Variants in KIF6 observed in about 807,000 individuals in gnomAD.
KIF6 encodes the protein kinesin-like protein KIF6.
In KIF6, 106 loss-of-function variants were observed where a neutral mutation model predicts 112.7. That is an observed-to-expected ratio of 0.94 (90% CI 0.80 to 1.11). The LOEUF is 1.11. KIF6 is among the 50% of genes least tolerant of loss of function. KIF6 has a pLI of 0.00. For missense variants in KIF6, 929 were observed against 964.0 expected, an observed-to-expected ratio of 0.96 and a Z score of 0.48; for synonymous variants, 339 against 339.9, an observed-to-expected ratio of 1.00 and a Z score of 0.03.
chr6:39,672,171 A>C (rs1373503217), intron 3 of KIF6, among the ~76,000 whole-genome samples: 1 of 152,186 alleles, frequency 6.6e-6, no homozygotes, highest in African/African-American at 2.4e-5. Context: ...TTTTAGAGAG[A>C]GGGTCTCACT....
intron 13 of KIF6, among the ~76,000 whole-genome samples, chr6:39,455,239 G>GGCACCCCCCA (rs1319415633): frequency 5.9e-5 from 9 of 151,598 alleles, no homozygotes; most frequent in Non-Finnish European, 1.3e-4. Context: ...CTAACTGGGA[G>GGCACCCCCCA]GCACCCCCCA....
At chr6:39,350,172 C>T (rs938106306) in intron 19 of KIF6, among the ~76,000 whole-genome samples, 30 of 152,204 alleles carry the variant, frequency 2.0e-4, no homozygotes, top group African/African-American at 6.3e-4. Flanking sequence ...GAAAATCAGA[C>T]GGTGTGGACA....
intron 3 of KIF6, among the ~76,000 whole-genome samples, chr6:39,674,612 A>G (rs2150837533): frequency 6.6e-6 from 1 of 152,130 alleles, no homozygotes; most frequent in Middle Eastern, 3.4e-3. Flanking sequence ...GAAATATACA[A>G]ACAGAGTTGG....
Position 39,533,426 on chromosome 6 carries a change from G to T in KIF6, c.1645+6577C>A, listed in dbSNP as rs1272396421. On this transcript the variant is annotated intron_variant, in intron 13 of 22. Transcript: ENST00000287152. ...GCTGATTGCTAGCACAGCAGCCTGA[G>T]ATCAAACTGCAAGGAGGCAGCGAGG... Among the ~76,000 whole-genome samples, 6 of 152,322 alleles carry T rather than the reference G, an allele frequency of 3.9e-5. No homozygotes were observed. The East Asian group carries it at 1.2e-3, about 29-fold the overall frequency.
chr6:39,401,116 T>C (rs1768667176), intron 15 of KIF6, among the ~76,000 whole-genome samples: 1 of 152,212 alleles, frequency 6.6e-6, no homozygotes, highest in Non-Finnish European at 1.5e-5. Flanking sequence ...GAGATAAGTA[T>C]CTGAATGGCA....
Position 39,346,543 on chromosome 6 carries a change from TTTG to T in KIF6, c.2181-20_2181-18del. The T allele has an allele frequency of 1.4e-6, 1 of 701,066 alleles. No homozygotes were observed. The allele number at this position is 701,066 out of a possible 1,614,324, so 43.4% of individuals were successfully genotyped here. On this transcript the variant is annotated intron_variant, in intron 19 of 22. Coordinates refer to ENST00000287152, the MANE Select transcript of KIF6 (RefSeq NM_145027.6). ...CCTCCAGAACTGTGAAAAATAAACG[TTTG>T]TTGTTTGAGCCACTCAGTCTATAGT...
Position 39,419,961 on chromosome 6 carries a change from T to C in KIF6, c.1797A>G (p.Ala599=), listed in dbSNP as rs111841262. 3.7e-6 allele frequency: 6 copies of C among 1,613,314 alleles called. 1 individual carries two copies. The highest frequency in any genetic ancestry group is 1.3e-5 in the African/African-American group (1 of 75,026). The change falls in exon 15 of 23, where the codon GCA becomes GCG. Residue 599 remains alanine, a synonymous_variant. Transcript: ENST00000287152. ...TCATCTGCTTACCAATTTTACTTCT[T>C]GCTTCATTTATACTTTCTCCCAGGG... The part of the protein sequence containing the change: ...AKALGESINE[A]RSKIGHLKEE...
At chr6:39,534,706 AG>A (rs1582072917) in intron 13 of KIF6, among the ~76,000 whole-genome samples, 1 of 152,214 alleles carries the variant, frequency 6.6e-6, no homozygotes, top group African/African-American at 2.4e-5. Context: ...CAGGAAATAC[AG>A]AGAATGCCAC....
At chr6:39,654,062 A>G (rs533221422) in intron 3 of KIF6, among the ~76,000 whole-genome samples, 2 of 152,312 alleles carry the variant, frequency 1.3e-5, no homozygotes, top group South Asian at 4.1e-4. Context: ...TAATGGCATT[A>G]ACAAGCTACT....
intron 3 of KIF6, among the ~76,000 whole-genome samples, chr6:39,669,570 C>G (rs376393082): frequency 9.1e-4 from 139 of 152,230 alleles, no homozygotes; most frequent in African/African-American, 2.8e-3. Context: ...ATTCATAGCC[C>G]GCTACTTTAA....
intron 3 of KIF6, among the ~76,000 whole-genome samples, chr6:39,695,828 CAA>C (rs1369899635): frequency 6.6e-6 from 1 of 152,086 alleles, no homozygotes; most frequent in African/African-American, 2.4e-5. Flanking sequence ...ATCATTCTAC[CAA>C]AAAGACACCC....
intron 13 of KIF6, among the ~76,000 whole-genome samples, chr6:39,501,251 A>G (rs573405331): frequency 3.9e-5 from 6 of 152,036 alleles, no homozygotes; most frequent in Admixed American, 3.3e-4. Context: ...CCTATGAAGA[A>G]TAGTCAGGCT....
intron 3 of KIF6, among the ~76,000 whole-genome samples, chr6:39,658,151 G>T (rs1012923367): frequency 6.6e-6 from 1 of 152,112 alleles, no homozygotes; most frequent in Non-Finnish European, 1.5e-5. Flanking sequence ...ACACAAAAAG[G>T]TTAAGCATTG....
chr6:39,489,028 C>G (rs1399331093), intron 13 of KIF6, among the ~76,000 whole-genome samples: 1 of 152,078 alleles, frequency 6.6e-6, no homozygotes, highest in Non-Finnish European at 1.5e-5. Context: ...CTATTTTGCC[C>G]CCTTGACATC....
intron 3 of KIF6, among the ~76,000 whole-genome samples, chr6:39,703,972 C>G (rs1789034455): frequency 6.6e-6 from 1 of 152,128 alleles, no homozygotes; most frequent in African/African-American, 2.4e-5. Context: ...CTAGAAATAT[C>G]TTTGGTTTAT....
chr6:39,410,849 C>A (rs1240150886), intron 15 of KIF6, among the ~76,000 whole-genome samples: 1 of 152,158 alleles, frequency 6.6e-6, no homozygotes, highest in Non-Finnish European at 1.5e-5. Flanking sequence ...ACCTGTCCTA[C>A]CTATACCCTT....
intron 3 of KIF6, among the ~76,000 whole-genome samples, chr6:39,679,095 A>G (rs919043396): frequency 3.3e-5 from 5 of 152,370 alleles, no homozygotes; most frequent in African/African-American, 1.2e-4. Context: ...ACATCTTTGT[A>G]AAAACAGACT....
At chr6:39,440,620 C>G (rs1299930928) in intron 13 of KIF6, among the ~76,000 whole-genome samples, 1 of 150,776 alleles carries the variant, frequency 6.6e-6, no homozygotes, top group Non-Finnish European at 1.5e-5. Context: ...CTTCTCTCCC[C>G]TCTCTTCTTT....
At chr6:39,593,327 T>A (rs1782053738) in intron 7 of KIF6, among the ~76,000 whole-genome samples, 1 of 152,196 alleles carries the variant, frequency 6.6e-6, no homozygotes, top group African/African-American at 2.4e-5. Context: ...TCATTAAACA[T>A]CTTCCCACTC....
Sources: gnomAD v4.1 joint callset for allele counts (sites outside exome capture counted in the v4.1 genomes callset) on GRCh38, gnomAD v4.1.1 for gene constraint, MANE v1.5 for transcripts, NCBI Gene and HGNC (gene_info 2026-07-23, HGNC 2026-07-21) for gene names.